The following TUBD1 variants were observed in gnomAD, a reference collection of about 807,000 sequenced individuals.
TUBD1 encodes tubulin delta chain.
Under a neutral mutation model 51.2 loss-of-function variants are expected in TUBD1, and 38 were observed. That is an observed-to-expected ratio of 0.74 (90% confidence interval 0.57 to 0.97). TUBD1 has a LOEUF of 0.97. Among genes scored for constraint, TUBD1 ranks in the 50% least tolerant of loss-of-function variants. TUBD1 has a pLI of 0.00. For synonymous variants in TUBD1, 169 were observed against 178.2 expected (o/e 0.95, Z 0.41); for missense variants, 489 against 538.4 (o/e 0.91, Z 0.91).
intron 5 of TUBD1, among the ~76,000 whole-genome samples, chr17:59,875,864 G>A (rs1320343604): frequency 6.6e-6 from 1 of 152,076 alleles, no homozygotes; most frequent in East Asian, 1.9e-4. Flanking sequence ...TAGAATTAAG[G>A]AGAAAGGGTA....
chr17:59,876,303 C>T (rs924982754), intron 5 of TUBD1, among the ~76,000 whole-genome samples: 3 of 151,574 alleles, frequency 2.0e-5, no homozygotes, highest in African/African-American at 7.3e-5. Context: ...TTCAGCTTCC[C>T]TAGTAGCTGA....
intron 2 of TUBD1, among the ~76,000 whole-genome samples, chr17:59,890,079 C>T (rs1175352764): frequency 6.6e-6 from 1 of 151,832 alleles, no homozygotes; most frequent in African/African-American, 2.4e-5. Flanking sequence ...CGCACTCCAG[C>T]TTGGGCAACA....
chr17:59,890,164 G>A (rs556465850), intron 2 of TUBD1, among the ~76,000 whole-genome samples: 11 of 152,106 alleles, frequency 7.2e-5, no homozygotes, highest in Admixed American at 2.6e-4. Flanking sequence ...CTGGTGATTC[G>A]GAGGTCACTG....
At chr17:59,867,283 G>A (rs1049017364) in intron 6 of TUBD1, among the ~76,000 whole-genome samples, 6 of 151,784 alleles carry the variant, frequency 4.0e-5, no homozygotes, top group Admixed American at 1.3e-4. Context: ...TGATCCTCCC[G>A]CCTTATCCTC....
At chr17:59,881,292 C>T (rs1826939095) in intron 3 of TUBD1, 182 bp from the exon 4 acceptor site, 3 of 588,664 alleles carry the variant, frequency 5.1e-6, no homozygotes, top group South Asian at 2.1e-5. Flanking sequence ...ATATATTTAA[C>T]CCACTTATGC....
chr17:59,892,200 T>C (rs185885334), intron 1 of TUBD1, among the ~76,000 whole-genome samples: 62 of 152,254 alleles, frequency 4.1e-4, no homozygotes, highest in African/African-American at 1.4e-3. Flanking sequence ...ATTTTGTGTT[T>C]AGCTCAGGTA....
intron 1 of TUBD1, 98 bp from the exon 2 acceptor site, chr17:59,891,139 T>G (rs772971696): frequency 1.5e-6 from 1 of 676,134 alleles, no homozygotes; most frequent in East Asian, 3.0e-5. Context: ...AAAAGTCTTT[T>G]TTCCCCCCTG....
chr17:59,889,962 T>C (rs1222774027), intron 2 of TUBD1, among the ~76,000 whole-genome samples: 2 of 117,542 alleles, frequency 1.7e-5, no homozygotes, highest in African/African-American at 7.1e-5. Context: ...AGAGCGAGAC[T>C]CTCTCAAAAA....
In TUBD1 at chr17:59,863,774, C is replaced by A. The variant is rs1274729545; in HGVS notation, c.1149G>T (p.Gln383His). 1 of 1,611,260 alleles carries A rather than the reference C, an allele frequency of 6.2e-7. No individual in the cohort carries two copies. Among genetic ancestry groups the A allele is most frequent in the Admixed American group, 1.7e-5 (1 of 59,360 alleles). ...PVNAFNVWKT[Q>H]RAFSKYEKSA... The stretch of plus-strand genomic sequence containing the variant: ...ACTTCTCATATTTGCTAAAGGCCCG[C>A]TGGGTTTTCCACACGTTGAAAGCAT... The change falls in exon 8 of 9, where the codon CAG becomes CAT. Residue 383 changes from glutamine to histidine, a missense_variant. Transcript: ENST00000325752.
rs768665744 is a variant in TUBD1 at position 59,874,632 on chromosome 17, A to C, written c.841T>G (p.Ser281Ala). Reference sequence around the variant, plus strand: ...GTGGTGTATGCCAATGAATTCTCAGACATGTGAGGAATGTTACGAACACTC... The same window carrying C: ...GTGGTGTATGCCAATGAATTCTCAGCCATGTGAGGAATGTTACGAACACTC... ...MLSVRNIPHM[S>A]ENSLAYTTFT... Residue 281 changes from serine (S) to alanine (A), a missense_variant, in exon 6 of 9, where the codon TCT (serine) becomes GCT (alanine). Coordinates refer to ENST00000325752, the MANE Select transcript of TUBD1 (RefSeq NM_016261.4). 11 of 1,613,882 alleles carry C rather than the reference A, an allele frequency of 6.8e-6. No individual in the cohort carries two copies. Among genetic ancestry groups the C allele is most frequent in the Non-Finnish European group, 9.3e-6 (11 of 1,179,946 alleles).
chr17:59,889,239 C>T (rs1253014157), intron 2 of TUBD1, among the ~76,000 whole-genome samples: 1 of 150,452 alleles, frequency 6.6e-6, no homozygotes, highest in African/African-American at 2.4e-5. Context: ...GTCTCTAACT[C>T]CTGACCTCAA....
At chr17:59,885,435 G>C in intron 3 of TUBD1, 2 of 1,335,572 alleles carry the variant, frequency 1.5e-6, no homozygotes, top group South Asian at 1.2e-5. Flanking sequence ...TCTGGGTGGG[G>C]GATATGTACC....
In TUBD1 at chr17:59,873,257, G is replaced by GTTGT. The variant is rs747508200; in HGVS notation, c.934+1281_934+1282insACAA. Among the ~76,000 whole-genome samples the GTTGT allele has an allele frequency of 9.1e-4, 134 of 147,138 alleles. 1 individual carries two copies. The highest frequency in any genetic ancestry group is 3.2e-3 in the African/African-American group (131 of 40,334). On this transcript the variant is annotated intron_variant, in intron 6 of 8. Coordinates refer to ENST00000325752, the MANE Select transcript of TUBD1 (RefSeq NM_016261.4). ...ATTACTTAAGTTGTTTTTTGTTGTT[G>GTTGT]TTTTTTTTTTGAGAAAGGGTCTCAC... is the stretch of plus-strand genomic sequence containing the variant.
chr17:59,866,631 T>C lies in TUBD1; in HGVS notation c.1053A>G (p.Lys351=). The change falls in exon 7 of 9, where the codon AAA becomes AAG. Residue 351 remains lysine (K), a synonymous_variant. Transcript: ENST00000325752. ...SIANLVILRG[K]DVQSADVEGF... ...TACCCACATCTGCACTTTGCACATC[T>C]TTCCCACGAAGAATGACCAAGTTAG... is the stretch of plus-strand genomic sequence containing the variant. 1 of 1,613,978 alleles carries C rather than the reference T, an allele frequency of 6.2e-7. No individual in the cohort carries two copies. The highest frequency in any genetic ancestry group is 8.5e-7 in the Non-Finnish European group (1 of 1,179,996).
rs1045421454 is a variant in TUBD1 at position 59,860,878 on chromosome 17, C to G, written c.1260-454G>C. ...CTGGGATTACAGGTGTGAGCCACCA[C>G]GCCCAGCCTGAACTTTCAAAATTTA... is the stretch of plus-strand genomic sequence containing the variant. On this transcript the variant is annotated intron_variant, in intron 8 of 8. Coordinates refer to ENST00000325752, the MANE Select transcript of TUBD1 (RefSeq NM_016261.4). 2.6e-5 allele frequency among the ~76,000 whole-genome samples: 4 copies of G among 151,964 alleles called. No homozygotes were observed. In the South Asian group the frequency reaches 6.2e-4, roughly 24 times the overall value.
intron 2 of TUBD1, among the ~76,000 whole-genome samples, chr17:59,886,982 C>T (rs1475248497): frequency 6.6e-6 from 1 of 151,696 alleles, no homozygotes; most frequent in Admixed American, 6.6e-5. Flanking sequence ...GTCAGGAGTT[C>T]AAGACCAAAC....
At chr17:59,871,198 ATATT>A (rs1377419294) in intron 6 of TUBD1, among the ~76,000 whole-genome samples, 1 of 152,056 alleles carries the variant, frequency 6.6e-6, no homozygotes, top group Non-Finnish European at 1.5e-5. Flanking sequence ...CAGAATTATG[ATATT>A]TATTTATTTT....
intron 2 of TUBD1, among the ~76,000 whole-genome samples, chr17:59,888,449 A>G (rs887338047): frequency 6.6e-6 from 1 of 152,236 alleles, no homozygotes; most frequent in African/African-American, 2.4e-5. Flanking sequence ...GTATGCAGCA[A>G]GAGCACAAGG....
intron 3 of TUBD1, chr17:59,884,724 C>T (rs533692843): frequency 2.0e-3 from 306 of 153,020 alleles, no homozygotes; most frequent in Middle Eastern, 3.4e-3. Flanking sequence ...AGTTCCAGAC[C>T]AGTCTGGGTA....
Sources: gnomAD v4.1 joint callset for allele counts (sites outside exome capture counted in the v4.1 genomes callset) on GRCh38, gnomAD v4.1.1 for gene constraint, MANE v1.5 for transcripts, NCBI Gene and HGNC (gene_info 2026-07-23, HGNC 2026-07-21) for gene names.